CRISP2: variants seen among roughly 807,000 people sequenced by gnomAD.
CRISP2 encodes cysteine rich secretory protein 2.
CRISP2 carries 29 observed loss-of-function variants against 31.7 expected under a neutral mutation model. The observed-to-expected ratio is 0.92, with a 90% CI of 0.68 to 1.25. CRISP2 has a LOEUF of 1.25. Ranked by LOEUF, CRISP2 falls within the 50% of genes most tolerant of loss-of-function variation. The pLI, the probability that CRISP2 is intolerant of heterozygous loss-of-function variation, is 0.00. For missense variants in CRISP2, 318 were observed against 286.5 expected (o/e 1.11, Z -0.79); for synonymous variants, 111 against 101.4 (o/e 1.09, Z -0.57).
At chr6:49,684,743 G>A in the CRISP2 span, among the ~76,000 whole-genome samples, 14 of 152,024 alleles carry the variant, frequency 9.2e-5, no homozygotes, top group Admixed American at 9.2e-4. Flanking sequence ...AATACCATGG[G>A]GTTTAAGATC....
chr6:49,683,283 A>C, the CRISP2 span, among the ~76,000 whole-genome samples: 1 of 152,246 alleles, frequency 6.6e-6, no homozygotes, highest in South Asian at 2.1e-4. Flanking sequence ...ATACCTATGT[A>C]AATAGCACTC....
At chr6:49,700,009 G>C in intron 5 of CRISP2, 118 bp from the exon 6 acceptor site, 1 of 846,770 alleles carries the variant, frequency 1.2e-6, no homozygotes, top group South Asian at 1.8e-5. Context: ...TAATACTACT[G>C]TTATTAAAAT....
At chr6:49,678,398 A>G in the CRISP2 span, among the ~76,000 whole-genome samples, 1 of 152,112 alleles carries the variant, frequency 6.6e-6, no homozygotes, top group Admixed American at 6.6e-5. Flanking sequence ...ATAAACTCCA[A>G]TTGCTTTTCT....
intron 4 of CRISP2, among the ~76,000 whole-genome samples, chr6:49,701,760 ACATTATATATGTATG>A (rs1318935910): frequency 3.7e-5 from 4 of 107,004 alleles, no homozygotes; most frequent in African/African-American, 1.1e-4. Context: ...TATAATGTAT[ACATTATATATGTATG>A]CATTATATAT....
At chr6:49,692,158 A>G (rs360559), downstream of CRISP2, among the ~76,000 whole-genome samples, 14 of 151,956 alleles carry the variant, frequency 9.2e-5, no homozygotes, top group African/African-American at 3.4e-4. Context: ...AGAACTGATT[A>G]ATTTTTTGTT....
chr6:49,704,270 T>C (rs1331893110), intron 4 of CRISP2, among the ~76,000 whole-genome samples: 3 of 152,172 alleles, frequency 2.0e-5, no homozygotes, highest in Non-Finnish European at 4.4e-5. Flanking sequence ...TATTACTTTT[T>C]AAATTTTTTT....
chr6:49,681,098 GT>G, the CRISP2 span, among the ~76,000 whole-genome samples: 1 of 152,140 alleles, frequency 6.6e-6, no homozygotes, highest in South Asian at 2.1e-4. Flanking sequence ...TATTTCCTAA[GT>G]TGTCTTCCAG....
At chr6:49,702,213 G>T (rs1175639696) in intron 4 of CRISP2, among the ~76,000 whole-genome samples, 4 of 129,000 alleles carry the variant, frequency 3.1e-5, no homozygotes, top group Non-Finnish European at 6.4e-5. Flanking sequence ...ATTGATTAAT[G>T]GGCACTCGGG....
intron 6 of CRISP2, 112 bp downstream of exon 6, chr6:49,699,692 G>A (rs986232478): frequency 8.4e-6 from 6 of 716,654 alleles, no homozygotes; most frequent in South Asian, 1.9e-5. Context: ...CAAAAAGACA[G>A]CAGTATAAGT....
downstream of CRISP2, among the ~76,000 whole-genome samples, chr6:49,691,535 TA>T (rs1275905274): frequency 6.6e-6 from 1 of 152,068 alleles, no homozygotes; most frequent in African/African-American, 2.4e-5. Flanking sequence ...CTGATACATT[TA>T]CTAAATGTTT....
chr6:49,679,288 T>C, the CRISP2 span, among the ~76,000 whole-genome samples: 3 of 152,180 alleles, frequency 2.0e-5, no homozygotes, highest in African/African-American at 2.4e-5. Flanking sequence ...TAGTTACTAC[T>C]GCATTCTAGC....
chr6:49,680,167 A>G, the CRISP2 span, among the ~76,000 whole-genome samples: 6 of 152,072 alleles, frequency 3.9e-5, no homozygotes, highest in Admixed American at 3.9e-4. Context: ...CCACCCTCTG[A>G]TAAGTTCCAG....
chr6:49,694,648 C>A (rs1764440284), intron 9 of CRISP2, among the ~76,000 whole-genome samples: 1 of 152,074 alleles, frequency 6.6e-6, no homozygotes, highest in Non-Finnish European at 1.5e-5. Context: ...ATGGACACAG[C>A]AGCTGATACC....
At chr6:49,688,466 T>TTC (rs1234281693), downstream of CRISP2, among the ~76,000 whole-genome samples, 1 of 152,164 alleles carries the variant, frequency 6.6e-6, no homozygotes, top group Non-Finnish European at 1.5e-5. Flanking sequence ...TAAAATATTA[T>TTC]CTGCCACAAA....
the CRISP2 span, among the ~76,000 whole-genome samples, chr6:49,677,165 A>G: frequency 6.6e-6 from 1 of 152,166 alleles, no homozygotes. Context: ...AGTGGTAATC[A>G]TGCAAGAGTC....
intron 4 of CRISP2, among the ~76,000 whole-genome samples, chr6:49,703,946 G>A (rs986921285): frequency 6.6e-6 from 1 of 152,090 alleles, no homozygotes; most frequent in Admixed American, 6.5e-5. Context: ...CCTCAAATAA[G>A]TTTTCCAAAC....
intron 4 of CRISP2, among the ~76,000 whole-genome samples, chr6:49,708,129 G>C (rs974925057): frequency 5.9e-5 from 9 of 152,044 alleles, no homozygotes; most frequent in African/African-American, 2.2e-4. Flanking sequence ...TGTTAATTTT[G>C]TATAGGGATC....
At chr6:49,689,732 A>G (rs1466820350), downstream of CRISP2, among the ~76,000 whole-genome samples, 2 of 152,146 alleles carry the variant, frequency 1.3e-5, no homozygotes, top group Non-Finnish European at 2.9e-5. Context: ...AACATAAAGT[A>G]TACTCTGAGT....
At chr6:49,711,774 G>A (rs1173821215) in intron 2 of CRISP2, among the ~76,000 whole-genome samples, 1 of 152,146 alleles carries the variant, frequency 6.6e-6, no homozygotes, top group Non-Finnish European at 1.5e-5. Flanking sequence ...AAACCATCAG[G>A]TCTGGGAAAT....
Sources: allele counts gnomAD v4.1 joint callset (sites outside exome capture counted in the v4.1 genomes callset), GRCh38; gene constraint gnomAD v4.1.1; transcripts MANE v1.5; gene names NCBI Gene and HGNC (gene_info 2026-07-23, HGNC 2026-07-21).